Variants in UPF1 observed in about 807,000 individuals in gnomAD.
The protein encoded by UPF1 is UPF1 RNA helicase and ATPase.
UPF1 carries 9 observed loss-of-function variants against 129.2 expected under a neutral mutation model. The ratio of observed to expected loss-of-function variants is 0.07; its 90% CI spans 0.04 to 0.12. The LOEUF (loss-of-function observed/expected upper bound fraction) is 0.12. Among genes scored for constraint, UPF1 ranks in the 10% least tolerant of loss-of-function variants. The pLI is 1.00. For synonymous variants in UPF1, 649 were observed against 644.9 expected (o/e 1.01, Z -0.10); for missense variants, 788 against 1,525.3 (o/e 0.52, Z 8.05).
At chr19:18,838,745 C>T (rs1206636074) in intron 1 of UPF1, among the ~76,000 whole-genome samples, 7 of 152,056 alleles carry the variant, frequency 4.6e-5, no homozygotes, top group African/African-American at 1.7e-4. Flanking sequence ...GATAAGATGC[C>T]GTTTACCTGG....
chr19:18,833,420 G>C (rs1250217738), intron 1 of UPF1: 2 of 152,138 alleles, frequency 1.3e-5, no homozygotes, highest in Non-Finnish European at 2.9e-5. Context: ...ACATAAACGA[G>C]TCTGCCACGT....
chr19:18,850,384 A>G lies in UPF1; in HGVS notation c.629+142A>G. 4 of 1,255,180 alleles carry G rather than the reference A, an allele frequency of 3.2e-6. No homozygotes were observed. The highest frequency in any genetic ancestry group is 4.3e-6 in the Non-Finnish European group (4 of 927,946). The allele number at this position is 1,255,180 out of a possible 1,614,324, so 77.8% of individuals were successfully genotyped here. On this transcript the variant is annotated intron_variant, in intron 4 of 23. Transcript: ENST00000262803. The surrounding 1 kb of genome is among the most constrained non-coding windows in gnomAD (Gnocchi z 7.1). The stretch of plus-strand genomic sequence containing the variant: ...GATGGTTTTTGCTGAAGGGTGAGGC[A>G]TGAGAGCGTTTAGGCGCTGAGGCTT...
Position 18,854,998 on chromosome 19 carries a change from G to T in UPF1, c.1385G>T (p.Arg462Leu). 2 of 1,614,098 alleles carry T rather than the reference G, an allele frequency of 1.2e-6. No individual in the cohort carries two copies. Among genetic ancestry groups the T allele is most frequent in the Non-Finnish European group, 1.7e-6 (2 of 1,180,036 alleles). ...DVIIKCQLPK[R>L]FTAQGLPDLN... ...ATCATCAAGTGCCAGCTGCCCAAGC[G>T]CTTCACGGCGCAGGGCCTCCCCGAC... The change falls in exon 10 of 24, where the codon CGC becomes CTC. Residue 462 changes from arginine to leucine, a missense_variant. Physicochemically the swap from Arg to Leu is moderately radical, Grantham distance 102. This residue lies in a region of UPF1 where 227 missense variants were observed against 517.9 expected (regional missense o/e 0.44). Transcript: ENST00000262803.
At chr19:18,856,804 T>C in intron 13 of UPF1, 73 bp from the exon 14 acceptor site, 1 of 1,530,574 alleles carries the variant, frequency 6.5e-7, no homozygotes. Context: ...TTCTGTGTTC[T>C]GTCCCACCTG....
intron 3 of UPF1, 96 bp downstream of exon 3, chr19:18,847,929 C>T (rs1462838980): frequency 7.3e-7 from 1 of 1,369,346 alleles, no homozygotes; most frequent in Non-Finnish European, 1.0e-6. Flanking sequence ...AATATAAAAT[C>T]ACGCTAACAA....
chr19:18,850,320 C>T lies in UPF1; in HGVS notation c.629+78C>T. On this transcript the variant is annotated intron_variant, in intron 4 of 23. Transcript: ENST00000262803. This position sits in a 1 kb window ranked among gnomAD's most constrained non-coding sequence, Gnocchi z 7.1. The stretch of plus-strand genomic sequence containing the variant: ...CCTCACAAGCCTTGGCCCAGCCCAG[C>T]CCAGCCGTGGCTCTAACTCCAGGGA... 1 of 1,498,408 alleles carries T rather than the reference C, an allele frequency of 6.7e-7. No individual in the cohort carries two copies. The highest frequency in any genetic ancestry group is 8.9e-7 in the Non-Finnish European group (1 of 1,123,872). The allele number at this position is 1,498,408 out of a possible 1,614,324, so 92.8% of individuals were successfully genotyped here.
At chr19:18,847,916 C>A in intron 3 of UPF1, 83 bp downstream of exon 3, 1 of 1,466,602 alleles carries the variant, frequency 6.8e-7, no homozygotes, top group Non-Finnish European at 9.5e-7. Context: ...TGAAGCAAAG[C>A]GTAATATAAA....
At chr19:18,856,151 A>G (rs2055715402) in intron 12 of UPF1, 35 bp from the exon 13 acceptor site, 1 of 1,605,814 alleles carries the variant, frequency 6.2e-7, no homozygotes, top group African/African-American at 1.3e-5. Context: ...CATGTACAGA[A>G]CTCAGGCACC....
intron 11 of UPF1, chr19:18,855,709 G>A (rs891699134): frequency 7.8e-5 from 49 of 629,096 alleles, no homozygotes; most frequent in Non-Finnish European, 1.1e-4. Context: ...TTAGCTGGGG[G>A]TAGTGGCGTG....
chr19:18,849,874 T>A lies in UPF1; in HGVS notation c.462-201T>A. 4.8e-6 allele frequency: 3 copies of A among 619,086 alleles called. No individual in the cohort carries two copies. The South Asian group carries it at 5.9e-5, about 12-fold the overall frequency. 38.3% of individuals were successfully genotyped at this position (619,086 alleles called of 1,614,324 possible). ...TTAAGGAAGTTTTCCTTAAAGTGGT[T>A]CAAGTTGGGATTGATTTTTGTGCTC... On this transcript the variant is annotated intron_variant, in intron 3 of 23. Coordinates refer to ENST00000262803, the MANE Select transcript of UPF1 (RefSeq NM_002911.4).
chr19:18,864,177 G>A lies in UPF1; in HGVS notation c.2783G>A (p.Arg928His), dbSNP rs2055813452. Reference protein sequence around the residue: ...KLVNTINPGARFMTTAMYDAR... With the variant: ...KLVNTINPGAHFMTTAMYDAR... ...CTATCTAAACCTTCGCAGGGAGCCC[G>A]CTTCATGACCACAGCCATGTATGAT... The change falls in exon 20 of 24, where the codon CGC (arginine) becomes CAC (histidine). Residue 928 changes from arginine to histidine, a missense_variant. Around this residue, in one of 6 missense-constraint regions of UPF1, gnomAD observed 218 missense variants for 318.1 expected, o/e 0.69. Coordinates refer to ENST00000262803, the MANE Select transcript of UPF1 (RefSeq NM_002911.4). 2 of 1,613,890 alleles carry A rather than the reference G, an allele frequency of 1.2e-6. No homozygotes were observed. The highest frequency in any genetic ancestry group is 1.7e-6 in the Non-Finnish European group (2 of 1,179,796).
In UPF1 at chr19:18,852,978, T is replaced by C. The variant is rs553690273; in HGVS notation, c.973-9T>C. On this transcript the variant is annotated splice_polypyrimidine_tract_variant and intron_variant, in intron 6 of 23. Coordinates refer to ENST00000262803, the MANE Select transcript of UPF1 (RefSeq NM_002911.4). ...GGCTAACCGGGGCTCTTGTTTTTCA[T>C]GTGCTCAGACTCAAGATAACATCAC... 2 of 1,611,560 alleles carry C rather than the reference T, an allele frequency of 1.2e-6. No individual in the cohort carries two copies. The highest frequency in any genetic ancestry group is 2.2e-5 in the East Asian group (1 of 44,834).
chr19:18,863,540 G>T lies in UPF1; in HGVS notation c.2703G>T (p.Gly901=), dbSNP rs1434817515. The T allele has an allele frequency of 6.2e-7, 1 of 1,613,736 alleles. No homozygotes were observed. Among genetic ancestry groups the T allele is most frequent in the African/African-American group, 1.3e-5 (1 of 74,910 alleles). Reference sequence around the variant, plus strand: ...AGGAGCAGAAGGTGCTGGTGGAGGGGCCGCTCAACAACCTGCGTGAGAGCC... The same window carrying T: ...AGGAGCAGAAGGTGCTGGTGGAGGGTCCGCTCAACAACCTGCGTGAGAGCC... The part of the protein sequence containing the change: ...YYKEQKVLVE[G]PLNNLRESLM... Residue 901 remains glycine (G), a synonymous_variant, in exon 19 of 24, where the codon GGG becomes GGT. Transcript: ENST00000262803.
chr19:18,839,255 C>G (rs2055515842), intron 1 of UPF1, among the ~76,000 whole-genome samples: 1 of 152,102 alleles, frequency 6.6e-6, no homozygotes, highest in Non-Finnish European at 1.5e-5. Flanking sequence ...CCATGCCCAA[C>G]TAATTTTTTT....
chr19:18,865,790 C>T lies in UPF1; in HGVS notation c.3237+12C>T. Reference sequence around the variant, plus strand: ...CGGAGCTGTCCCAGGTGAGCCCGCCCCTGGGACGGGACTTACCTGAGTGAG... The same window carrying T: ...CGGAGCTGTCCCAGGTGAGCCCGCCTCTGGGACGGGACTTACCTGAGTGAG... On this transcript the variant is annotated intron_variant, in intron 22 of 23. Transcript: ENST00000262803. This position sits in a 1 kb window ranked among gnomAD's most constrained non-coding sequence, Gnocchi z 6.1. The T allele has an allele frequency of 6.2e-7, 1 of 1,612,222 alleles. No homozygotes were observed. The highest frequency in any genetic ancestry group is 8.5e-7 in the Non-Finnish European group (1 of 1,179,902).
intron 19 of UPF1, 142 bp from the exon 20 acceptor site, chr19:18,864,028 C>T: frequency 4.0e-6 from 3 of 748,412 alleles, no homozygotes; most frequent in Non-Finnish European, 7.0e-6. Flanking sequence ...GACAGCAGCT[C>T]CCTCCTGTCT....
chr19:18,865,284 T>C lies in UPF1; in HGVS notation c.2858-5T>C. On this transcript the variant is annotated splice_polypyrimidine_tract_variant and splice_region_variant and intron_variant, in intron 20 of 23. Transcript: ENST00000262803. The surrounding 1 kb of genome is among the most constrained non-coding windows in gnomAD (Gnocchi z 6.1). Reference sequence around the variant, plus strand: ...ACACCTGCCGTGTTCCACTGTGATTTGCAGGCCGGCCTTCCAGCATGTACT... The same window carrying C: ...ACACCTGCCGTGTTCCACTGTGATTCGCAGGCCGGCCTTCCAGCATGTACT... 1 of 1,598,502 alleles carries C rather than the reference T, an allele frequency of 6.3e-7. No individual in the cohort carries two copies.
At chr19:18,843,255 A>T (rs539380540) in intron 1 of UPF1, among the ~76,000 whole-genome samples, 1 of 152,302 alleles carries the variant, frequency 6.6e-6, no homozygotes, top group South Asian at 2.1e-4. Context: ...TGCTGGGCTC[A>T]TGGCAGGGAG....
In UPF1 at chr19:18,868,083, C is replaced by G. The variant is rs189584532; in HGVS notation, c.*1566C>G. On this transcript the variant is annotated 3_prime_UTR_variant, in exon 24 of 24. Coordinates refer to ENST00000262803, the MANE Select transcript of UPF1 (RefSeq NM_002911.4). ...CCGGCTGTTGGGCTGGGCCGCTTTG[C>G]CTCTGCTTCGCCCTGTGCTGTGTTC... 6.2e-6 allele frequency: 1 copy of G among 161,094 alleles called. No homozygotes were observed. The highest frequency in any genetic ancestry group is 2.4e-5 in the African/African-American group (1 of 41,744). The allele number at this position is 161,094 out of a possible 1,614,324, so 10.0% of individuals were successfully genotyped here.
Sources: allele counts gnomAD v4.1 joint callset (sites outside exome capture counted in the v4.1 genomes callset), GRCh38; gene constraint gnomAD v4.1.1; regional missense constraint gnomAD v4.1.1; non-coding constraint Gnocchi (gnomAD v3.1); transcripts MANE v1.5; gene names NCBI Gene and HGNC (gene_info 2026-07-23, HGNC 2026-07-21).